Variants in LARS2 observed in about 807,000 individuals in gnomAD.
LARS2 encodes leucyl-tRNA synthetase 2, mitochondrial.
LARS2 carries 81 observed loss-of-function variants against 116.6 expected under a neutral mutation model. The ratio of observed to expected loss-of-function variants is 0.69; its 90% CI spans 0.58 to 0.84. The LOEUF is 0.84. LARS2 is among the 40% of genes least tolerant of loss of function. The pLI is 0.00. For missense variants in LARS2, 968 were observed against 1,114.5 expected, an observed-to-expected ratio of 0.87 and a Z score of 1.87; for synonymous variants, 396 against 407.2, an observed-to-expected ratio of 0.97 and a Z score of 0.33.
At chr3:45,524,230 C>T (rs1433283977) in intron 20 of LARS2, 122 bp downstream of exon 20, 1 of 644,280 alleles carries the variant, frequency 1.6e-6, no homozygotes, top group Admixed American at 2.7e-5. Context: ...GGCATCTATA[C>T]TCAGCAACCT....
Position 45,474,317 on chromosome 3 carries a change from C to T in LARS2, c.825C>T (p.Asp275=). The change falls in exon 9 of 22, where the codon GAC becomes GAT. Residue 275 remains aspartate, a synonymous_variant. Transcript: ENST00000645846. Reference sequence around the variant, plus strand: ...GCATGCAAGCCCACTGGATTGGGGACTGTGTGGGCTGCCACCTGGACTTCA... The same window carrying T: ...GCATGCAAGCCCACTGGATTGGGGATTGTGTGGGCTGCCACCTGGACTTCA... ...IKGMQAHWIG[D]CVGCHLDFTL... 1 of 1,610,226 alleles carries T rather than the reference C, an allele frequency of 6.2e-7. No individual in the cohort carries two copies. The highest frequency in any genetic ancestry group is 8.5e-7 in the Non-Finnish European group (1 of 1,176,972).
intron 20 of LARS2, among the ~76,000 whole-genome samples, chr3:45,533,828 A>G (rs555060850): frequency 2.6e-5 from 4 of 152,340 alleles, no homozygotes; most frequent in African/African-American, 9.6e-5. Context: ...GTTCTAAAGA[A>G]GTGTGGTAGA....
chr3:45,508,049 C>T (rs1228680987), intron 15 of LARS2, among the ~76,000 whole-genome samples: 1 of 151,962 alleles, frequency 6.6e-6, no homozygotes, highest in Non-Finnish European at 1.5e-5. Flanking sequence ...GATCAGGAAG[C>T]CTTTTCTCTC....
At chr3:45,440,504 G>A (rs1040402153) in intron 6 of LARS2, among the ~76,000 whole-genome samples, 3 of 152,220 alleles carry the variant, frequency 2.0e-5, no homozygotes, top group Non-Finnish European at 4.4e-5. Context: ...GTGATGTGCA[G>A]TGGCCGCTCA....
At chr3:45,471,947 T>C (rs574792335) in intron 8 of LARS2, among the ~76,000 whole-genome samples, 14 of 152,322 alleles carry the variant, frequency 9.2e-5, no homozygotes, top group African/African-American at 3.1e-4. Flanking sequence ...CATTACTGTA[T>C]CAGCTAATAT....
At chr3:45,462,652 G>A (rs930456229) in intron 8 of LARS2, among the ~76,000 whole-genome samples, 2 of 152,196 alleles carry the variant, frequency 1.3e-5, no homozygotes, top group Non-Finnish European at 2.9e-5. Flanking sequence ...ATGGGCAGTA[G>A]GTGCTGGGAT....
chr3:45,530,635 A>AT (rs1700601120), intron 20 of LARS2, among the ~76,000 whole-genome samples: 1 of 152,224 alleles, frequency 6.6e-6, no homozygotes, highest in Non-Finnish European at 1.5e-5. Context: ...CTCACTTCAT[A>AT]TTATTTCCTT....
chr3:45,496,362 T>C lies in LARS2; in HGVS notation c.1611T>C (p.His537=). The change falls in exon 14 of 22, where the codon CAT becomes CAC. Residue 537 remains histidine (H), a synonymous_variant. Coordinates refer to ENST00000645846, the MANE Select transcript of LARS2 (RefSeq NM_015340.4). The part of the protein sequence containing the change: ...AWYYFRYTDP[H]NPHSPFNTAV... ...ACTACTTCAGATACACTGACCCTCA[T>C]AATCCACACAGGTAAAACGTCCCTG... 6.2e-7 allele frequency: 1 copy of C among 1,613,026 alleles called. No homozygotes were observed. Among genetic ancestry groups the C allele is most frequent in the Non-Finnish European group, 8.5e-7 (1 of 1,178,982 alleles).
chr3:45,495,097 GC>G (rs1699988807), intron 13 of LARS2: 1 of 152,014 alleles, frequency 6.6e-6, no homozygotes. Flanking sequence ...TAACACTTGG[GC>G]CCTTGTGAGA....
intron 10 of LARS2, among the ~76,000 whole-genome samples, chr3:45,484,623 A>ATATATATAT: frequency 1.4e-5 from 1 of 73,184 alleles, no homozygotes; most frequent in African/African-American, 4.9e-5. Flanking sequence ...AAAAAAAAAA[A>ATATATATAT]AAAAAAAATA....
chr3:45,513,031 A>T (rs2125750548), intron 15 of LARS2, 104 bp from the exon 16 acceptor site: 2 of 774,536 alleles, frequency 2.6e-6, no homozygotes, highest in East Asian at 2.4e-5. Flanking sequence ...TGCTTTTATG[A>T]GGGGCAGCTA....
At chr3:45,405,776 A>G (rs1698223950) in intron 4 of LARS2, among the ~76,000 whole-genome samples, 1 of 152,214 alleles carries the variant, frequency 6.6e-6, no homozygotes, top group African/African-American at 2.4e-5. Context: ...TGCTTTTGCT[A>G]CATGCCTAGC....
intron 13 of LARS2, 124 bp from the exon 14 acceptor site, chr3:45,496,151 A>G: frequency 1.3e-6 from 1 of 746,132 alleles, no homozygotes; most frequent in Non-Finnish European, 2.2e-6. Context: ...GAGCCACCAC[A>G]CCCAGCCTGT....
At chr3:45,442,284 C>G (rs559631705) in intron 6 of LARS2, among the ~76,000 whole-genome samples, 114 of 152,330 alleles carry the variant, frequency 7.5e-4, no homozygotes, top group African/African-American at 2.7e-3. Flanking sequence ...CCCACAGACA[C>G]AGGGTTCCCC....
intron 4 of LARS2, among the ~76,000 whole-genome samples, chr3:45,405,428 G>A (rs896232562): frequency 3.3e-5 from 5 of 152,302 alleles, no homozygotes; most frequent in Middle Eastern, 3.4e-3. Context: ...TTCAATGGAT[G>A]TTTTTAAAAG....
rs1575310338 is a variant in LARS2, at chr3:45,520,201, T to C, written c.2215-18T>C. 1 of 1,571,154 alleles carries C rather than the reference T, an allele frequency of 6.4e-7. No individual in the cohort carries two copies. The highest frequency in any genetic ancestry group is 1.4e-5 in the African/African-American group (1 of 73,968). ...AAAGAATTTTGAAATAAGTAAATAA[T>C]TGAACCTTTACTAATAGGTGACCAC... On this transcript the variant is annotated intron_variant, in intron 18 of 21. Transcript: ENST00000645846.
chr3:45,393,303 G>T (rs1433109394), intron 2 of LARS2, among the ~76,000 whole-genome samples: 1 of 152,112 alleles, frequency 6.6e-6, no homozygotes, highest in African/African-American at 2.4e-5. Flanking sequence ...TGGGCCAGGT[G>T]TGGTGGCTCA....
intron 6 of LARS2, among the ~76,000 whole-genome samples, chr3:45,437,434 A>C (rs1404246434): frequency 1.3e-5 from 2 of 152,256 alleles, no homozygotes; most frequent in Non-Finnish European, 2.9e-5. Flanking sequence ...AGAACAGGAA[A>C]GATAAAGGAG....
At chr3:45,507,155 G>A (rs1444358596) in intron 15 of LARS2, among the ~76,000 whole-genome samples, 1 of 151,930 alleles carries the variant, frequency 6.6e-6, no homozygotes, top group Non-Finnish European at 1.5e-5. Context: ...CCAACACTTT[G>A]GGATTGCAAG....
Sources: allele counts gnomAD v4.1 joint callset (sites outside exome capture counted in the v4.1 genomes callset), GRCh38; gene constraint gnomAD v4.1.1; transcripts MANE v1.5; gene names NCBI Gene and HGNC (gene_info 2026-07-23, HGNC 2026-07-21).